Variants in FMN1 observed in about 807,000 individuals in gnomAD.
FMN1 encodes the protein formin-1.
Under a neutral mutation model 132.4 loss-of-function variants are expected in FMN1, and 110 were observed. That is an observed-to-expected ratio of 0.83 (90% CI 0.71 to 0.97). The LOEUF (loss-of-function observed/expected upper bound fraction) is 0.97. Among genes scored for constraint, FMN1 ranks in the 50% least tolerant of loss-of-function variants. FMN1 has a pLI of 0.00. For synonymous variants in FMN1, 722 were observed against 651.7 expected, an observed-to-expected ratio of 1.11 and a Z score of -1.64; for missense variants, 1,792 against 1,705.3, an observed-to-expected ratio of 1.05 and a Z score of -0.90.
intron 8 of FMN1, among the ~76,000 whole-genome samples, chr15:32,966,639 A>G (rs2031261057): frequency 2.0e-5 from 3 of 152,180 alleles, no homozygotes; most frequent in African/African-American, 7.2e-5. Flanking sequence ...AAGAAAAAAA[A>G]TCAGTTCATA....
Position 32,898,975 on chromosome 15 carries a change from G to C in FMN1, c.3655-82C>G, listed in dbSNP as rs115254021. 3.8e-4 allele frequency: 367 copies of C among 964,572 alleles called. 1 individual carries two copies. In the African/African-American group the frequency reaches 5.4e-3, roughly 14 times the overall value. 59.8% of individuals were successfully genotyped at this position (964,572 alleles called of 1,614,324 possible). ...ACGGTTGAGAGGTGAAATCTCAGTTGAGAAATTTCTAATTCGTGAAAACTG... is the reference window on the plus strand; with the variant it reads ...ACGGTTGAGAGGTGAAATCTCAGTTCAGAAATTTCTAATTCGTGAAAACTG... On this transcript the variant is annotated intron_variant, in intron 14 of 20. Transcript: ENST00000616417.
At chr15:33,078,453 T>C (rs1377551378) in intron 5 of FMN1, among the ~76,000 whole-genome samples, 1 of 152,204 alleles carries the variant, frequency 6.6e-6, no homozygotes, top group Non-Finnish European at 1.5e-5. Flanking sequence ...TTAAAAAGCC[T>C]CATGAAATAT....
At chr15:32,888,837 G>C (rs1485765315) in intron 15 of FMN1, among the ~76,000 whole-genome samples, 2 of 144,976 alleles carry the variant, frequency 1.4e-5, no homozygotes, top group Non-Finnish European at 3.0e-5. Flanking sequence ...GTATATGGGT[G>C]TATCTACACA....
At chr15:32,799,180 T>C (rs1286389228) in intron 18 of FMN1, among the ~76,000 whole-genome samples, 1 of 152,194 alleles carries the variant, frequency 6.6e-6, no homozygotes, top group Non-Finnish European at 1.5e-5. Context: ...GGGCACATCT[T>C]ATCTGTATAA....
chr15:33,068,422 AAAC>A (rs930732139), intron 5 of FMN1, among the ~76,000 whole-genome samples: 20 of 152,210 alleles, frequency 1.3e-4, no homozygotes, highest in African/African-American at 4.8e-4. Flanking sequence ...AATCAGCAGA[AAAC>A]AACTGAAATA....
intron 4 of FMN1, among the ~76,000 whole-genome samples, chr15:33,124,837 C>T (rs927056505): frequency 7.0e-6 from 1 of 142,256 alleles, no homozygotes; most frequent in Admixed American, 7.5e-5. Context: ...AAATGCTTTT[C>T]ATTTTTCTGC....
chr15:33,038,932 G>A (rs1390091082), intron 6 of FMN1, among the ~76,000 whole-genome samples: 2 of 152,140 alleles, frequency 1.3e-5, no homozygotes, highest in Non-Finnish European at 2.9e-5. Context: ...TTCTAATGTA[G>A]CACCCTCCTA....
chr15:32,952,037 C>G (rs545249033), intron 9 of FMN1, among the ~76,000 whole-genome samples: 1 of 152,326 alleles, frequency 6.6e-6, no homozygotes, highest in African/African-American at 2.4e-5. Flanking sequence ...TAGGTATGAA[C>G]TCTCTGTGCA....
intron 5 of FMN1, among the ~76,000 whole-genome samples, chr15:33,074,696 G>T (rs565895489): frequency 6.6e-6 from 1 of 152,228 alleles, no homozygotes; most frequent in Admixed American, 6.5e-5. Context: ...TGATGACCAA[G>T]GAACACGGGC....
intron 17 of FMN1, among the ~76,000 whole-genome samples, chr15:32,847,162 C>G (rs970574104): frequency 2.6e-5 from 4 of 152,174 alleles, no homozygotes; most frequent in African/African-American, 9.7e-5. Flanking sequence ...TACTTCAATT[C>G]TTACATGGTT....
rs553778645 is a variant in FMN1 at position 33,000,343 on chromosome 15, G to T, written c.2223+7671C>A. ...GGCCGCCTGTAGTCCCAGCTACTCGGGAGGCTGAGGCAGGAGAATGGCGTG... is the reference window on the plus strand; with the variant it reads ...GGCCGCCTGTAGTCCCAGCTACTCGTGAGGCTGAGGCAGGAGAATGGCGTG... On this transcript the variant is annotated intron_variant, in intron 7 of 20. Transcript: ENST00000616417. Among the ~76,000 whole-genome samples, 111 of 151,880 alleles carry T rather than the reference G, an allele frequency of 7.3e-4. 1 individual carries two copies. Among genetic ancestry groups the T allele is most frequent in the African/African-American group, 2.6e-3 (108 of 41,456 alleles).
At chr15:32,960,608 C>T (rs1479843436) in intron 9 of FMN1, among the ~76,000 whole-genome samples, 1 of 152,146 alleles carries the variant, frequency 6.6e-6, no homozygotes. Context: ...TGAATTCAGA[C>T]ATTTTCCTTT....
chr15:33,087,795 T>TTACATATATACATATACACATATATA (rs1441532792), intron 5 of FMN1, among the ~76,000 whole-genome samples: 2 of 116,550 alleles, frequency 1.7e-5, no homozygotes, highest in African/African-American at 3.1e-5. Context: ...TGGTATATAT[T>TTACATATATACATATACACATATATA]TACATATATA....
intron 12 of FMN1, among the ~76,000 whole-genome samples, chr15:32,907,295 A>G (rs2060450799): frequency 6.6e-6 from 1 of 152,146 alleles, no homozygotes; most frequent in Admixed American, 6.5e-5. Context: ...CTGCAACTAG[A>G]TGGTCCCATC....
chr15:32,939,781 T>C (rs1228877758), intron 9 of FMN1, among the ~76,000 whole-genome samples: 4 of 152,182 alleles, frequency 2.6e-5, no homozygotes. Flanking sequence ...TCCATATCTA[T>C]ATATTTATTT....
intron 17 of FMN1, among the ~76,000 whole-genome samples, chr15:32,853,239 G>C (rs892413485): frequency 6.6e-6 from 1 of 152,078 alleles, no homozygotes; most frequent in Non-Finnish European, 1.5e-5. Context: ...CTTCTTTGCT[G>C]AAAGTCTTAC....
intron 7 of FMN1, among the ~76,000 whole-genome samples, chr15:32,969,697 C>G (rs1413844879): frequency 2.6e-5 from 4 of 152,118 alleles, no homozygotes; most frequent in Non-Finnish European, 5.9e-5. Context: ...TTTCAACCAG[C>G]CTGAGCTCAC....
intron 16 of FMN1, among the ~76,000 whole-genome samples, chr15:32,883,509 CA>C (rs60737133): frequency 7.7e-3 from 198 of 25,880 alleles, no homozygotes; most frequent in East Asian, 0.011. Context: ...GAACCTATCT[CA>C]AAAAAAAAAA....
chr15:32,903,226 T>C (rs1791400817), intron 12 of FMN1, among the ~76,000 whole-genome samples: 1 of 152,204 alleles, frequency 6.6e-6, no homozygotes. Flanking sequence ...GAAAACACAA[T>C]CTTGTTTTAA....
Sources: gnomAD v4.1 joint callset for allele counts (sites outside exome capture counted in the v4.1 genomes callset) on GRCh38, gnomAD v4.1.1 for gene constraint, MANE v1.5 for transcripts, NCBI Gene and HGNC (gene_info 2026-07-23, HGNC 2026-07-21) for gene names.